Variants in PTPRT observed in about 807,000 individuals in gnomAD.
PTPRT encodes the protein protein tyrosine phosphatase receptor type T, also known as receptor-type tyrosine-protein phosphatase T.
In PTPRT, 56 loss-of-function variants were observed where a neutral mutation model predicts 176.8. The ratio of observed to expected loss-of-function variants is 0.32; its 90% CI spans 0.26 to 0.40. The LOEUF (loss-of-function observed/expected upper bound fraction) is 0.40, where lower values mean the gene tolerates loss of function less well. Among genes scored for constraint, PTPRT ranks in the 10% least tolerant of loss-of-function variants. The probability of loss-of-function intolerance (pLI) is 1.00; values close to 1 mark genes in which losing one functional copy is unlikely to be tolerated. For missense variants in PTPRT, 1,540 were observed against 1,908.2 expected (o/e 0.81, Z 3.60); for synonymous variants, 783 against 739.0 (o/e 1.06, Z -0.96).
At chr20:42,137,396 C>T (rs1241719326) in intron 18 of PTPRT, among the ~76,000 whole-genome samples, 1 of 152,226 alleles carries the variant, frequency 6.6e-6, no homozygotes, top group Non-Finnish European at 1.5e-5. Flanking sequence ...CATAGCCCCA[C>T]CTCCTTCTGG....
intron 12 of PTPRT, among the ~76,000 whole-genome samples, chr20:42,295,983 G>A (rs1218023841): frequency 6.6e-6 from 1 of 152,194 alleles, no homozygotes; most frequent in African/African-American, 2.4e-5. Flanking sequence ...CCAGCCATGT[G>A]GAACTGTGAG....
At chr20:43,078,895 C>T (rs2011357429) in intron 1 of PTPRT, among the ~76,000 whole-genome samples, 1 of 152,154 alleles carries the variant, frequency 6.6e-6, no homozygotes, top group Non-Finnish European at 1.5e-5. Context: ...GCTCTTCTTG[C>T]CGGCTGCTCT....
At chr20:43,079,145 T>C (rs2011364758) in intron 1 of PTPRT, among the ~76,000 whole-genome samples, 1 of 151,526 alleles carries the variant, frequency 6.6e-6, no homozygotes, top group South Asian at 2.1e-4. Flanking sequence ...CTTTTTCTTT[T>C]TTCTCTCTCC....
At chr20:43,004,075 C>A in intron 1 of PTPRT, among the ~76,000 whole-genome samples, 1 of 151,036 alleles carries the variant, frequency 6.6e-6, no homozygotes, top group Non-Finnish European at 1.5e-5. Context: ...TGAGTACAAC[C>A]CCAAGCCAAA....
At position 43,094,391 on chromosome 20, in the gene PTPRT, CTTTTTTTTTTT is replaced by C. The variant is rs71335878; in HGVS notation, c.88+95244_88+95254del. 4.8e-4 allele frequency among the ~76,000 whole-genome samples: 31 copies of C among 64,666 alleles called. No homozygotes were observed. The South Asian group carries it at 0.016, about 34-fold the overall frequency. 42.4% of individuals were successfully genotyped at this position (64,666 alleles called of 152,430 possible). On this transcript the variant is annotated intron_variant, in intron 1 of 30. Transcript: ENST00000373187. Reference sequence around the variant, plus strand: ...ATGAGCCACCGCACCCGGCCTCTTTCTTTTTTTTTTTTTTTTTTTTTTTTCAGACGGAGTTT... The same window carrying C: ...ATGAGCCACCGCACCCGGCCTCTTTCTTTTTTTTTTTTTCAGACGGAGTTT...
At chr20:42,773,888 G>A (rs554897012) in intron 4 of PTPRT, among the ~76,000 whole-genome samples, 129 of 152,278 alleles carry the variant, frequency 8.5e-4, no homozygotes, top group African/African-American at 3.0e-3. Flanking sequence ...CTTACCCTTC[G>A]AGAAAATGGT....
intron 14 of PTPRT, among the ~76,000 whole-genome samples, chr20:42,246,815 C>CA (rs1319013863): frequency 6.6e-6 from 1 of 152,196 alleles, no homozygotes; most frequent in African/African-American, 2.4e-5. Context: ...TTTGGGTGGA[C>CA]AATCCCAAAC....
chr20:42,875,509 C>T (rs369355878), intron 2 of PTPRT, among the ~76,000 whole-genome samples: 72 of 152,282 alleles, frequency 4.7e-4, no homozygotes, highest in African/African-American at 1.6e-3. Flanking sequence ...GAACTTTTCT[C>T]AGAGCTGTTT....
At chr20:42,943,601 C>A (rs868798581) in intron 1 of PTPRT, among the ~76,000 whole-genome samples, 4 of 152,160 alleles carry the variant, frequency 2.6e-5, no homozygotes, top group Middle Eastern at 3.2e-3. Context: ...GCACAGCCTC[C>A]AACTCAGCCT....
intron 9 of PTPRT, among the ~76,000 whole-genome samples, chr20:42,428,142 G>C (rs2059183147): frequency 6.6e-6 from 1 of 152,132 alleles, no homozygotes; most frequent in African/African-American, 2.4e-5. Context: ...AAGAATTTTG[G>C]GGAAACACCA....
intron 9 of PTPRT, among the ~76,000 whole-genome samples, chr20:42,411,502 A>G (rs945791113): frequency 1.8e-4 from 26 of 146,104 alleles, no homozygotes; most frequent in Non-Finnish European, 3.3e-4. Context: ...AGCCAACAAG[A>G]GCTAAACCCT....
chr20:42,494,304 A>T (rs75787513), intron 7 of PTPRT, among the ~76,000 whole-genome samples: 1 of 152,122 alleles, frequency 6.6e-6, no homozygotes, highest in African/African-American at 2.4e-5. Flanking sequence ...TAGGGAAACA[A>T]CGTTTTCTCA....
chr20:42,828,957 A>G (rs1386151808), intron 2 of PTPRT, among the ~76,000 whole-genome samples: 1 of 152,106 alleles, frequency 6.6e-6, no homozygotes, highest in Non-Finnish European at 1.5e-5. Flanking sequence ...CTGTGAGAAG[A>G]GGGCCACAGT....
intron 1 of PTPRT, among the ~76,000 whole-genome samples, chr20:42,970,158 G>A (rs940935145): frequency 6.6e-6 from 1 of 152,188 alleles, no homozygotes; most frequent in Non-Finnish European, 1.5e-5. Flanking sequence ...GTTTGTTCTT[G>A]AGCAAGAAGT....
chr20:42,656,519 AT>A (rs1481341852), intron 7 of PTPRT, among the ~76,000 whole-genome samples: 1 of 152,190 alleles, frequency 6.6e-6, no homozygotes, highest in Non-Finnish European at 1.5e-5. Flanking sequence ...TCAACTCATA[AT>A]AGCTATAGAT....
At chr20:43,053,146 CGTAT>C (rs1202349632) in intron 1 of PTPRT, among the ~76,000 whole-genome samples, 3 of 152,178 alleles carry the variant, frequency 2.0e-5, no homozygotes, top group African/African-American at 7.2e-5. Flanking sequence ...CCCCAAAACA[CGTAT>C]GACTTAATTC....
chr20:43,083,410 T>C (rs1168945984), intron 1 of PTPRT, among the ~76,000 whole-genome samples: 2 of 142,686 alleles, frequency 1.4e-5, no homozygotes, highest in African/African-American at 2.6e-5. Context: ...GCCCAGGCTG[T>C]AGTGCAGTGT....
chr20:43,149,353 G>T (rs1251530104), intron 1 of PTPRT, among the ~76,000 whole-genome samples: 1 of 152,164 alleles, frequency 6.6e-6, no homozygotes, highest in Non-Finnish European at 1.5e-5. Flanking sequence ...AAAACTGCTT[G>T]CACTAGGTTA....
At chr20:42,452,455 A>C (rs2070849040) in intron 8 of PTPRT, among the ~76,000 whole-genome samples, 1 of 152,042 alleles carries the variant, frequency 6.6e-6, no homozygotes, top group African/African-American at 2.4e-5. Flanking sequence ...AAGTGTCCTA[A>C]TGGCTCTGTT....
Sources: gnomAD v4.1 joint callset for allele counts (sites outside exome capture counted in the v4.1 genomes callset) on GRCh38, gnomAD v4.1.1 for gene constraint, MANE v1.5 for transcripts, NCBI Gene and HGNC (gene_info 2026-07-23, HGNC 2026-07-21) for gene names.